DAPK2: variants seen among roughly 807,000 people sequenced by gnomAD.
DAPK2 encodes the protein death-associated protein kinase 2.
Under a neutral mutation model 44.1 loss-of-function variants are expected in DAPK2, and 35 were observed. The ratio of observed to expected loss-of-function variants is 0.79; its 90% CI spans 0.61 to 1.05. The LOEUF (loss-of-function observed/expected upper bound fraction) is 1.05. DAPK2 is among the 50% of genes least tolerant of loss of function. DAPK2 has a pLI of 0.00. For missense variants in DAPK2, 453 were observed against 483.2 expected, an observed-to-expected ratio of 0.94 and a Z score of 0.59; for synonymous variants, 174 against 182.6, an observed-to-expected ratio of 0.95 and a Z score of 0.38.
In DAPK2 at chr15:63,980,403, A is replaced by G. The variant is rs2078470529; in HGVS notation, c.314+3130T>C. Among the ~76,000 whole-genome samples the G allele has an allele frequency of 6.6e-6, 1 of 152,242 alleles. No homozygotes were observed. Among genetic ancestry groups the G allele is most frequent in the African/African-American group, 2.4e-5 (1 of 41,464 alleles). On this transcript the variant is annotated intron_variant, in intron 2 of 10. Coordinates refer to ENST00000261891, the Ensembl canonical transcript of DAPK2. The surrounding 1 kb of genome is among the most constrained non-coding windows in gnomAD (Gnocchi z 4.3). The stretch of plus-strand genomic sequence containing the variant: ...AATTTATAGCTATAAAGATCAATAA[A>G]TAATGAAACACGTTTCAAAACAAAT...
intron 4 of DAPK2, chr15:63,935,830 A>G (rs1320338061): frequency 1.3e-5 from 2 of 151,966 alleles, no homozygotes; most frequent in Non-Finnish European, 1.5e-5. Context: ...TTGTCACTCT[A>G]TGGTGCTCTA....
intron 3 of DAPK2, among the ~76,000 whole-genome samples, chr15:63,945,731 A>G (rs2077432232): frequency 6.6e-6 from 1 of 152,136 alleles, no homozygotes; most frequent in Admixed American, 6.5e-5. Flanking sequence ...CAGCCCCCCA[A>G]CTGTAAGTCA....
At chr15:63,977,111 G>GA (rs1398916762) in intron 2 of DAPK2, among the ~76,000 whole-genome samples, 1 of 151,940 alleles carries the variant, frequency 6.6e-6, no homozygotes, top group Non-Finnish European at 1.5e-5. Context: ...AAAGAGAAGG[G>GA]GAAGGGGGAA....
chr15:64,026,919 T>G (rs1284797236), intron 1 of DAPK2, among the ~76,000 whole-genome samples: 3 of 152,214 alleles, frequency 2.0e-5, no homozygotes, highest in Non-Finnish European at 2.9e-5. Context: ...ACCTACCTTG[T>G]GTTGCTATTG....
chr15:63,978,533 CCA>C (rs1354441238), intron 2 of DAPK2, among the ~76,000 whole-genome samples: 2 of 152,080 alleles, frequency 1.3e-5, no homozygotes, highest in Non-Finnish European at 2.9e-5. Context: ...AAGGGAACAG[CCA>C]CTGTGCCCCC....
intron 1 of DAPK2, among the ~76,000 whole-genome samples, chr15:64,016,821 GGGGAAGGAAGGAAGGA>G (rs2079538903): frequency 8.6e-6 from 1 of 116,220 alleles, no homozygotes; most frequent in East Asian, 2.1e-4. Flanking sequence ...GGAAGGGGAA[GGGGAAGGAAGGAAGGA>G]GGGAAGGAAG....
intron 1 of DAPK2, among the ~76,000 whole-genome samples, chr15:64,017,880 A>G (rs144966347): frequency 6.6e-6 from 1 of 152,284 alleles, no homozygotes; most frequent in African/African-American, 2.4e-5. Flanking sequence ...GACAAACACC[A>G]CTGCTCCTTG....
At chr15:63,988,531 G>A (rs1445916575) in intron 1 of DAPK2, among the ~76,000 whole-genome samples, 1 of 148,256 alleles carries the variant, frequency 6.7e-6, no homozygotes, top group Non-Finnish European at 1.5e-5. Flanking sequence ...TTGAGCTGGA[G>A]TCTCGCTCTG....
intron 1 of DAPK2, among the ~76,000 whole-genome samples, chr15:64,003,505 C>T (rs768431885): frequency 1.9e-3 from 289 of 152,346 alleles, no homozygotes; most frequent in Non-Finnish European, 3.2e-3. Flanking sequence ...CCCATGGTGG[C>T]ATTACCTGGG....
At chr15:63,930,600 C>CT in intron 4 of DAPK2, 145 bp from the exon 6 acceptor site, 1 of 747,124 alleles carries the variant, frequency 1.3e-6, no homozygotes, top group Non-Finnish European at 2.3e-6. Context: ...TGATCTGCAT[C>CT]TAAGATTCTG....
At chr15:63,940,334 T>C (rs2077272786) in intron 3 of DAPK2, among the ~76,000 whole-genome samples, 1 of 151,894 alleles carries the variant, frequency 6.6e-6, no homozygotes, top group Non-Finnish European at 1.5e-5. Flanking sequence ...AAACAAGATG[T>C]GAACACCCAT....
chr15:64,044,888 T>C (rs978616042), upstream of DAPK2, among the ~76,000 whole-genome samples: 3 of 151,824 alleles, frequency 2.0e-5, no homozygotes, highest in Non-Finnish European at 4.4e-5. Context: ...ACACCCCCAT[T>C]AGGAATCATC....
chr15:63,943,554 C>T (rs1390467816), intron 3 of DAPK2, among the ~76,000 whole-genome samples: 3 of 152,162 alleles, frequency 2.0e-5, no homozygotes, highest in Non-Finnish European at 4.4e-5. Flanking sequence ...GATTCCCCTT[C>T]CTTGCTTCTC....
intron 1 of DAPK2, among the ~76,000 whole-genome samples, chr15:64,027,403 A>G (rs1383236951): frequency 6.7e-6 from 1 of 149,898 alleles, no homozygotes; most frequent in Non-Finnish European, 1.5e-5. Flanking sequence ...AAACAAAACA[A>G]AAAAAAAACC....
At position 63,948,675 on chromosome 15, in the gene DAPK2, T is replaced by C. The variant is rs116281460; in HGVS notation, c.454-9314A>G. Among the ~76,000 whole-genome samples, 869 of 152,284 alleles carry C rather than the reference T, an allele frequency of 5.7e-3. 7 individuals are homozygous for C. Among genetic ancestry groups the C allele is most frequent in the African/African-American group, 0.019 (803 of 41,548 alleles). ...CACACTGGCTGAAGGCAGGGCCTGC[T>C]TCTCACACTCCTCCTGCGTTCCTCC... On this transcript the variant is annotated intron_variant, in intron 3 of 10. Coordinates refer to ENST00000261891, the Ensembl canonical transcript of DAPK2.
intron 1 of DAPK2, among the ~76,000 whole-genome samples, chr15:63,998,438 TCTCCCTCAGG>T (rs1012996910): frequency 3.3e-5 from 5 of 152,152 alleles, no homozygotes; most frequent in Non-Finnish European, 7.4e-5. Context: ...GGATGGACTG[TCTCCCTCAGG>T]CTGCCTGCCA....
intron 1 of DAPK2, among the ~76,000 whole-genome samples, chr15:63,998,748 A>G (rs533669765): frequency 1.3e-3 from 193 of 152,264 alleles, no homozygotes; most frequent in Non-Finnish European, 2.4e-3. Flanking sequence ...TGTTCTGTCT[A>G]CTTCCCGGAA....
chr15:64,007,397 T>C (rs989227401), intron 1 of DAPK2, among the ~76,000 whole-genome samples: 2 of 152,012 alleles, frequency 1.3e-5, no homozygotes, highest in African/African-American at 4.8e-5. Flanking sequence ...TCCTCTCCCC[T>C]ATCATGGCAA....
chr15:63,950,863 C>T (rs1391510601), intron 3 of DAPK2, among the ~76,000 whole-genome samples: 1 of 152,120 alleles, frequency 6.6e-6, no homozygotes, highest in Non-Finnish European at 1.5e-5. Context: ...GACATGTAAA[C>T]ACATCATGTT....
Sources: allele counts gnomAD v4.1 joint callset (sites outside exome capture counted in the v4.1 genomes callset), GRCh38; gene constraint gnomAD v4.1.1; non-coding constraint Gnocchi (gnomAD v3.1); transcripts MANE v1.5; gene names NCBI Gene and HGNC (gene_info 2026-07-23, HGNC 2026-07-21).